Variants in PAQR5 observed in about 807,000 individuals in gnomAD.
The protein encoded by PAQR5 is membrane progestin receptor gamma.
A neutral mutation model predicts 34.5 loss-of-function variants in PAQR5; 20 were observed. The observed-to-expected ratio is 0.58, with a 90% CI of 0.41 to 0.84. PAQR5 has a LOEUF of 0.84. PAQR5 is among the 40% of genes least tolerant of loss of function. The probability of loss-of-function intolerance (pLI) is 0.00; values close to 1 mark genes in which losing one functional copy is unlikely to be tolerated. For missense variants in PAQR5, 378 were observed against 412.7 expected, an observed-to-expected ratio of 0.92 and a Z score of 0.73; for synonymous variants, 131 against 155.6, an observed-to-expected ratio of 0.84 and a Z score of 1.18.
At chr15:69,318,823 AATATG>A (rs112573808) in intron 1 of PAQR5, among the ~76,000 whole-genome samples, 3,604 of 152,044 alleles carry the variant, frequency 0.024, 150 homozygotes, top group African/African-American at 0.082. Context: ...CAATTATTAT[AATATG>A]TTATAATAAA....
At chr15:69,402,584 G>A (rs1032853832) in intron 8 of PAQR5, among the ~76,000 whole-genome samples, 1 of 152,138 alleles carries the variant, frequency 6.6e-6, no homozygotes. Flanking sequence ...CCAAAGTGCT[G>A]GGATTACAGG....
intron 4 of PAQR5, among the ~76,000 whole-genome samples, chr15:69,384,413 GC>G (rs2056042141): frequency 9.9e-6 from 1 of 100,802 alleles, no homozygotes; most frequent in African/African-American, 3.7e-5. Context: ...GGGTGAGCGG[GC>G]CCTCCGTGTT....
At chr15:69,361,935 G>C (rs1462983361) in intron 3 of PAQR5, among the ~76,000 whole-genome samples, 1 of 151,868 alleles carries the variant, frequency 6.6e-6, no homozygotes, top group Non-Finnish European at 1.5e-5. Flanking sequence ...CTAGAGATGG[G>C]AGATCATGGG....
chr15:69,391,835 T>C, intron 6 of PAQR5: 1 of 388,226 alleles, frequency 2.6e-6, no homozygotes. Flanking sequence ...GGTGGGTGGA[T>C]CACCTGAGGT....
intron 2 of PAQR5, among the ~76,000 whole-genome samples, chr15:69,356,197 T>C (rs1193416620): frequency 2.0e-5 from 3 of 152,208 alleles, no homozygotes; most frequent in Non-Finnish European, 4.4e-5. Flanking sequence ...CCTTGATTTC[T>C]ATTGTTGTCT....
intron 1 of PAQR5, among the ~76,000 whole-genome samples, chr15:69,315,933 C>T (rs1224690772): frequency 6.6e-6 from 1 of 152,076 alleles, no homozygotes; most frequent in Admixed American, 6.6e-5. Flanking sequence ...GTCAGGAGCT[C>T]AAGGCCAGCC....
intron 2 of PAQR5, among the ~76,000 whole-genome samples, chr15:69,351,244 A>G (rs1165297771): frequency 1.3e-5 from 2 of 152,284 alleles, no homozygotes; most frequent in Non-Finnish European, 2.9e-5. Flanking sequence ...TAGTGCTGCT[A>G]TCAAGGACTT....
chr15:69,300,564 T>C (rs930568797), intron 1 of PAQR5, among the ~76,000 whole-genome samples: 2 of 150,510 alleles, frequency 1.3e-5, no homozygotes, highest in Non-Finnish European at 1.5e-5. Context: ...TATGCTTTTC[T>C]TTCTTTCTCT....
At chr15:69,389,802 G>C in intron 6 of PAQR5, 22 bp downstream of exon 6, 1 of 1,612,622 alleles carries the variant, frequency 6.2e-7, no homozygotes. Flanking sequence ...TCTGACCTCA[G>C]ATGGGAGGGG....
intron 1 of PAQR5, among the ~76,000 whole-genome samples, chr15:69,328,549 G>T (rs1375596988): frequency 2.6e-5 from 4 of 152,162 alleles, no homozygotes; most frequent in Non-Finnish European, 5.9e-5. Context: ...TGCCAGGGAA[G>T]TGGCCAGCTA....
intron 3 of PAQR5, among the ~76,000 whole-genome samples, chr15:69,378,180 G>A (rs1013934328): frequency 2.1e-5 from 3 of 143,532 alleles, no homozygotes; most frequent in Admixed American, 7.5e-5. Flanking sequence ...CAGGAGAATC[G>A]CTTGAACCCA....
intron 1 of PAQR5, among the ~76,000 whole-genome samples, chr15:69,318,959 C>A (rs186733984): frequency 1.8e-4 from 27 of 151,402 alleles, no homozygotes; most frequent in Admixed American, 4.6e-4. Flanking sequence ...CATGGGGACA[C>A]CCTGTCTCTA....
rs1005707968 is a variant in PAQR5, at chr15:69,385,238, A to G, written c.385+356A>G. On this transcript the variant is annotated intron_variant, in intron 5 of 8. Coordinates refer to ENST00000395407, the MANE Select transcript of PAQR5 (RefSeq NM_017705.4). The surrounding 1 kb of genome is among the most constrained non-coding windows in gnomAD (Gnocchi z 4.7). Reference sequence around the variant, plus strand: ...CTATTACAGAAATTCCACCATGCAGATACAGTAGATGTAGTCATTGAGTAC... The same window carrying G: ...CTATTACAGAAATTCCACCATGCAGGTACAGTAGATGTAGTCATTGAGTAC... Among the ~76,000 whole-genome samples the G allele has an allele frequency of 1.3e-5, 2 of 152,218 alleles. No individual in the cohort carries two copies. The highest frequency in any genetic ancestry group is 1.3e-4 in the Admixed American group (2 of 15,278).
At chr15:69,380,829 T>C (rs1288921904) in intron 4 of PAQR5, among the ~76,000 whole-genome samples, 1 of 152,174 alleles carries the variant, frequency 6.6e-6, no homozygotes, top group Non-Finnish European at 1.5e-5. Flanking sequence ...GTGGCGTCCT[T>C]ACGTCATGCA....
At chr15:69,349,880 G>A (rs2054868706) in intron 2 of PAQR5, among the ~76,000 whole-genome samples, 2 of 152,004 alleles carry the variant, frequency 1.3e-5, no homozygotes, top group African/African-American at 4.8e-5. Context: ...GACCTCAAGT[G>A]ATCGGCCCGC....
At chr15:69,302,338 G>T (rs1339497053) in intron 1 of PAQR5, among the ~76,000 whole-genome samples, 1 of 152,128 alleles carries the variant, frequency 6.6e-6, no homozygotes, top group Non-Finnish European at 1.5e-5. Flanking sequence ...CTCCCAAAGT[G>T]CTGGGATTAC....
chr15:69,338,807 C>G lies in PAQR5; in HGVS notation c.-116+1306C>G, dbSNP rs1041692611. Among the ~76,000 whole-genome samples the G allele has an allele frequency of 6.6e-5, 10 of 152,354 alleles. No homozygotes were observed. In the South Asian group the frequency reaches 1.2e-3, roughly 19 times the overall value. ...TTTCTGGGCATAGGCTGATCTAACT[C>G]TGGGAGAAACTTACTTTGTAGTTTA... On this transcript the variant is annotated intron_variant, in intron 2 of 8. Coordinates refer to ENST00000395407, the MANE Select transcript of PAQR5 (RefSeq NM_017705.4).
At chr15:69,397,352 A>G (rs2056472386) in intron 6 of PAQR5, 116 bp from the exon 7 acceptor site, 2 of 774,220 alleles carry the variant, frequency 2.6e-6, no homozygotes, top group Non-Finnish European at 4.7e-6. Flanking sequence ...AGGAGCTTGT[A>G]GAAAAATGCT....
At chr15:69,394,014 C>T (rs1188414686) in intron 6 of PAQR5, among the ~76,000 whole-genome samples, 1 of 152,180 alleles carries the variant, frequency 6.6e-6, no homozygotes, top group African/African-American at 2.4e-5. Flanking sequence ...AAACGGCTGC[C>T]ACTCCCTTCA....
Sources: allele counts gnomAD v4.1 joint callset (sites outside exome capture counted in the v4.1 genomes callset), GRCh38; gene constraint gnomAD v4.1.1; non-coding constraint Gnocchi (gnomAD v3.1); transcripts MANE v1.5; gene names NCBI Gene and HGNC (gene_info 2026-07-23, HGNC 2026-07-21).